Variants in AGO4 observed in about 807,000 individuals in gnomAD.
AGO4 encodes argonaute RISC component 4.
A neutral mutation model predicts 104.7 loss-of-function variants in AGO4; 33 were observed. That is an observed-to-expected ratio of 0.32 (90% CI 0.24 to 0.42). The LOEUF is 0.42. AGO4 is among the 10% of genes least tolerant of loss of function. The pLI is 1.00. For missense variants in AGO4, 711 were observed against 1,083.4 expected, an observed-to-expected ratio of 0.66 and a Z score of 4.83; for synonymous variants, 331 against 364.7, an observed-to-expected ratio of 0.91 and a Z score of 1.05.
At chr1:35,840,796 T>C (rs1487083061) in intron 13 of AGO4, among the ~76,000 whole-genome samples, 1 of 152,208 alleles carries the variant, frequency 6.6e-6, no homozygotes, top group African/African-American at 2.4e-5. Context: ...TTATTTTTTG[T>C]AGAGACCTGG....
At chr1:35,843,001 G>T (rs1644481588) in intron 15 of AGO4, among the ~76,000 whole-genome samples, 1 of 151,992 alleles carries the variant, frequency 6.6e-6, no homozygotes, top group Admixed American at 6.6e-5. Flanking sequence ...AATCTTGTTT[G>T]CCACTCCCAT....
At chr1:35,845,813 A>G (rs1644558995) in intron 15 of AGO4, among the ~76,000 whole-genome samples, 1 of 152,232 alleles carries the variant, frequency 6.6e-6, no homozygotes, top group Non-Finnish European at 1.5e-5. Context: ...AGTGGCTTAC[A>G]AAGACTTGCT....
Position 35,856,447 on chromosome 1 carries a change from G to GT in AGO4, c.*2848dup, listed in dbSNP as rs1644817941. On this transcript the variant is annotated 3_prime_UTR_variant, in exon 18 of 18. Coordinates refer to ENST00000373210, the MANE Select transcript of AGO4 (RefSeq NM_017629.4). ...GGCTGTTTGGTTTGGTTTTGGTTTT[G>GT]TTTTTTAAATGCAGCCTGTTGAGGC... The GT allele has an allele frequency of 6.6e-6, 1 of 152,242 alleles. No individual in the cohort carries two copies. The highest frequency in any genetic ancestry group is 2.1e-4 in the South Asian group (1 of 4,826). 9.4% of individuals were successfully genotyped at this position (152,242 alleles called of 1,614,324 possible).
intron 2 of AGO4, among the ~76,000 whole-genome samples, chr1:35,818,637 GAAA>G (rs1170781388): frequency 8.3e-5 from 8 of 96,256 alleles, no homozygotes; most frequent in South Asian, 3.7e-4. Flanking sequence ...AAGAAAGAAA[GAAA>G]GAAAGAAAGA....
intron 12 of AGO4, among the ~76,000 whole-genome samples, chr1:35,834,941 C>T (rs1423738367): frequency 6.6e-6 from 1 of 151,992 alleles, no homozygotes; most frequent in Non-Finnish European, 1.5e-5. Flanking sequence ...AGCCATCCAC[C>T]TGCCTTGGGC....
At chr1:35,814,385 C>T (rs982447822) in intron 1 of AGO4, among the ~76,000 whole-genome samples, 8 of 151,594 alleles carry the variant, frequency 5.3e-5, no homozygotes, top group South Asian at 2.1e-4. Flanking sequence ...ATACATGTGC[C>T]GTGTTGGTGT....
At chr1:35,850,338 T>C in intron 16 of AGO4, 80 bp downstream of exon 16, 1 of 1,045,564 alleles carries the variant, frequency 9.6e-7, no homozygotes. Flanking sequence ...GTCGACTTGT[T>C]ATTTAACACC....
chr1:35,817,959 A>G lies in AGO4; in HGVS notation c.185+912A>G, dbSNP rs370875739. On this transcript the variant is annotated intron_variant, in intron 2 of 17. Coordinates refer to ENST00000373210, the MANE Select transcript of AGO4 (RefSeq NM_017629.4). The stretch of plus-strand genomic sequence containing the variant: ...GTATTGCCCTGTGCTCTGGGAATTC[A>G]CCATGAACAAAACAGGCAAAAGTTT... Among the ~76,000 whole-genome samples the G allele has an allele frequency of 7.2e-5, 11 of 152,188 alleles. No individual in the cohort carries two copies. In the East Asian group the frequency reaches 2.1e-3, roughly 29 times the overall value.
Position 35,808,407 on chromosome 1 carries a change from C to G in AGO4, c.-10C>G. ...CCGGGGACCGGGGCGAGGCGGCCCCCGCCGCCGCCATGGAGGCGCTGGGAC... is the reference window on the plus strand; with the variant it reads ...CCGGGGACCGGGGCGAGGCGGCCCCGGCCGCCGCCATGGAGGCGCTGGGAC... On this transcript the variant is annotated 5_prime_UTR_variant, in exon 1 of 18. Transcript: ENST00000373210. The surrounding 1 kb of genome is among the most constrained non-coding windows in gnomAD (Gnocchi z 5.2). 2 of 1,134,744 alleles carry G rather than the reference C, an allele frequency of 1.8e-6. No individual in the cohort carries two copies. 70.3% of individuals were successfully genotyped at this position (1,134,744 alleles called of 1,614,324 possible).
At chr1:35,852,126 T>C (rs572489073) in intron 17 of AGO4, among the ~76,000 whole-genome samples, 8 of 152,268 alleles carry the variant, frequency 5.3e-5, no homozygotes, top group Admixed American at 2.6e-4. Flanking sequence ...CAAATTTTCT[T>C]TGGCTGGAGG....
At chr1:35,835,438 A>G (rs1444619407) in intron 12 of AGO4, among the ~76,000 whole-genome samples, 1 of 152,194 alleles carries the variant, frequency 6.6e-6, no homozygotes, top group Non-Finnish European at 1.5e-5. Flanking sequence ...AGGAAGCAAA[A>G]CAAAACAAAA....
At chr1:35,846,084 G>A (rs1299509315) in intron 15 of AGO4, among the ~76,000 whole-genome samples, 2 of 152,212 alleles carry the variant, frequency 1.3e-5, no homozygotes, top group Non-Finnish European at 2.9e-5. Flanking sequence ...GCATGGGAAT[G>A]TTTGGCACCA....
intron 15 of AGO4, among the ~76,000 whole-genome samples, chr1:35,847,028 A>T (rs1245686390): frequency 1.3e-5 from 2 of 152,132 alleles, no homozygotes; most frequent in Admixed American, 1.3e-4. Context: ...AAAAACAAAA[A>T]TGGTATAGTA....
intron 15 of AGO4, among the ~76,000 whole-genome samples, chr1:35,848,239 T>C (rs1253495352): frequency 1.3e-5 from 2 of 152,226 alleles, no homozygotes; most frequent in African/African-American, 4.8e-5. Flanking sequence ...TTTGCCCCTT[T>C]TTATTGTGAG....
Position 35,841,806 on chromosome 1 carries a change from A to G in AGO4, c.2175+56A>G, listed in dbSNP as rs966153124. The G allele has an allele frequency of 6.8e-6, 8 of 1,181,662 alleles. No individual in the cohort carries two copies. The African/African-American group carries it at 1.8e-4, about 26-fold the overall frequency. 73.2% of individuals were successfully genotyped at this position (1,181,662 alleles called of 1,614,324 possible). A position where few individuals can be genotyped will look rare whatever the true frequency, so the allele number is the denominator to read the frequency against. ...TGAGGCTCTGGCAAGAGATGTATAT[A>G]TGCACATATATATATATATATATAT... On this transcript the variant is annotated intron_variant, in intron 15 of 17. Coordinates refer to ENST00000373210, the MANE Select transcript of AGO4 (RefSeq NM_017629.4). This position sits in a 1 kb window ranked among gnomAD's most constrained non-coding sequence, Gnocchi z 4.7.
intron 1 of AGO4, among the ~76,000 whole-genome samples, chr1:35,809,022 A>G (rs1374799660): frequency 6.6e-6 from 1 of 152,130 alleles, no homozygotes; most frequent in Non-Finnish European, 1.5e-5. Context: ...TGCCTCTGTC[A>G]CTCAGTCTGT....
At chr1:35,842,663 G>A (rs111979272) in intron 15 of AGO4, among the ~76,000 whole-genome samples, 2,171 of 152,190 alleles carry the variant, frequency 0.014, 42 homozygotes, top group African/African-American at 0.049. Flanking sequence ...TTAGCTGGGC[G>A]TAATGGTGCA....
intron 7 of AGO4, among the ~76,000 whole-genome samples, chr1:35,829,722 G>A (rs932413002): frequency 4.0e-5 from 6 of 151,208 alleles, no homozygotes; most frequent in Non-Finnish European, 5.9e-5. Flanking sequence ...GGTGGCAGGC[G>A]CCTGTAATCC....
intron 8 of AGO4, 62 bp downstream of exon 8, chr1:35,831,636 G>C (rs892795653): frequency 3.2e-6 from 5 of 1,572,772 alleles, no homozygotes; most frequent in Non-Finnish European, 3.4e-6. Context: ...TTTTTAAGTA[G>C]AGTTCTAAAC....
Sources: gnomAD v4.1 joint callset for allele counts (sites outside exome capture counted in the v4.1 genomes callset) on GRCh38, gnomAD v4.1.1 for gene constraint, Gnocchi (gnomAD v3.1) non-coding constraint, MANE v1.5 for transcripts, NCBI Gene and HGNC (gene_info 2026-07-23, HGNC 2026-07-21) for gene names.